The following ZNF652 variants were observed in gnomAD, a reference collection of about 807,000 sequenced individuals.
ZNF652 encodes zinc finger protein 652.
Under a neutral mutation model 45.2 loss-of-function variants are expected in ZNF652, and 16 were observed. The ratio of observed to expected loss-of-function variants is 0.35; its 90% CI spans 0.24 to 0.54. ZNF652 has a LOEUF of 0.54. Among genes scored for constraint, ZNF652 ranks in the 20% least tolerant of loss-of-function variants. The pLI, the probability that ZNF652 is intolerant of heterozygous loss-of-function variation, is 0.91. For missense variants in ZNF652, 614 were observed against 765.6 expected, an observed-to-expected ratio of 0.80 and a Z score of 2.34; for synonymous variants, 250 against 260.6, an observed-to-expected ratio of 0.96 and a Z score of 0.39.
chr17:49,313,822 A>G (rs1239698631), intron 2 of ZNF652, among the ~76,000 whole-genome samples: 3 of 151,296 alleles, frequency 2.0e-5, no homozygotes, highest in Non-Finnish European at 2.9e-5. Context: ...AAAATAAAAA[A>G]ATTAGCCGGG....
chr17:49,336,076 G>A (rs963842631), intron 1 of ZNF652, among the ~76,000 whole-genome samples: 1 of 151,648 alleles, frequency 6.6e-6, no homozygotes, highest in Non-Finnish European at 1.5e-5. Flanking sequence ...TCAGGCTAGA[G>A]TGCAGTGGTG....
chr17:49,323,238 C>A (rs765432101), intron 1 of ZNF652, among the ~76,000 whole-genome samples: 3 of 152,194 alleles, frequency 2.0e-5, no homozygotes, highest in Non-Finnish European at 4.4e-5. Flanking sequence ...CTTTGTCATT[C>A]CAATAATGTT....
Position 49,292,749 on chromosome 17 carries a change from A to C in ZNF652, c.*5664T>G, listed in dbSNP as rs1176220222. 3.9e-5 allele frequency among the ~76,000 whole-genome samples: 6 copies of C among 152,214 alleles called. No homozygotes were observed. Among genetic ancestry groups the C allele is most frequent in the Non-Finnish European group, 8.8e-5 (6 of 68,048 alleles). On this transcript the variant is annotated 3_prime_UTR_variant, in exon 6 of 6. Coordinates refer to ENST00000430262, the MANE Select transcript of ZNF652 (RefSeq NM_001145365.3). ...AAAAGTGAAGAGTCAAATAAGGATA[A>C]AATCTTTCAACAGAGAGACGAAATA...
chr17:49,342,072 G>A (rs1375625350), intron 1 of ZNF652, among the ~76,000 whole-genome samples: 1 of 151,984 alleles, frequency 6.6e-6, no homozygotes, highest in African/African-American at 2.4e-5. Context: ...TATAATCTCA[G>A]CTACTCAGGA....
chr17:49,337,631 T>G (rs999618019), intron 1 of ZNF652, among the ~76,000 whole-genome samples: 1 of 152,238 alleles, frequency 6.6e-6, no homozygotes, highest in Non-Finnish European at 1.5e-5. Context: ...TTACTAAAAC[T>G]ACTGCTACTC....
Position 49,294,572 on chromosome 17 carries a change from A to C in ZNF652, c.*3841T>G, listed in dbSNP as rs1678855423. On this transcript the variant is annotated 3_prime_UTR_variant, in exon 6 of 6. Transcript: ENST00000430262. ...TGAGCCTATCTGACTCAATTTGAGA[A>C]AGCAGCAGCCTTTATTAAGGCTAAG... The C allele has an allele frequency of 1.3e-5, 2 of 152,350 alleles. No homozygotes were observed. Among genetic ancestry groups the C allele is most frequent in the South Asian group, 4.1e-4 (2 of 4,832 alleles). The allele number at this position is 152,350 out of a possible 1,614,324, so 9.4% of individuals were successfully genotyped here. A position where few individuals can be genotyped will look rare whatever the true frequency, so the allele number is the denominator to read the frequency against.
At chr17:49,348,055 TC>T (rs2070225412) in intron 1 of ZNF652, among the ~76,000 whole-genome samples, 3 of 151,992 alleles carry the variant, frequency 2.0e-5, no homozygotes, top group African/African-American at 7.3e-5. Context: ...CAAACCTTAA[TC>T]TTATCAAGCC....
In ZNF652 at chr17:49,290,960, T is replaced by C. The variant is rs568248612; in HGVS notation, c.*7453A>G. Reference sequence around the variant, plus strand: ...TGATGGAAAACAGTCACACAGCCCATGTCAAGAAATGAATAAAATGCATAT... The same window carrying C: ...TGATGGAAAACAGTCACACAGCCCACGTCAAGAAATGAATAAAATGCATAT... On this transcript the variant is annotated 3_prime_UTR_variant, in exon 6 of 6. Transcript: ENST00000430262. 1.3e-5 allele frequency: 2 copies of C among 152,250 alleles called. No homozygotes were observed. The highest frequency in any genetic ancestry group is 1.9e-4 in the East Asian group (1 of 5,186). The allele number at this position is 152,250 out of a possible 1,614,324, so 9.4% of individuals were successfully genotyped here. A position where few individuals can be genotyped will look rare whatever the true frequency, so the allele number is the denominator to read the frequency against.
At chr17:49,339,196 A>ATTTTTT (rs766243923) in intron 1 of ZNF652, among the ~76,000 whole-genome samples, 6 of 101,768 alleles carry the variant, frequency 5.9e-5, no homozygotes, top group Non-Finnish European at 1.0e-4. Context: ...TGAGTTAGGA[A>ATTTTTT]ATTTTTTTTT....
At chr17:49,330,559 G>A (rs2070012141) in intron 1 of ZNF652, among the ~76,000 whole-genome samples, 1 of 151,850 alleles carries the variant, frequency 6.6e-6, no homozygotes, top group African/African-American at 2.4e-5. Flanking sequence ...ATGTTGCCCA[G>A]GCTGGTCTTG....
intron 1 of ZNF652, among the ~76,000 whole-genome samples, chr17:49,329,567 G>A (rs900965194): frequency 2.6e-5 from 4 of 152,164 alleles, no homozygotes; most frequent in Non-Finnish European, 4.4e-5. Flanking sequence ...TCAAGAAACA[G>A]AACTACAGTC....
intron 5 of ZNF652, among the ~76,000 whole-genome samples, chr17:49,311,007 T>C (rs1340184649): frequency 6.6e-6 from 1 of 152,188 alleles, no homozygotes; most frequent in East Asian, 1.9e-4. Context: ...GAAAATAACA[T>C]GCACATACAC....
chr17:49,305,362 G>A (rs990629529), intron 5 of ZNF652, among the ~76,000 whole-genome samples: 6 of 151,796 alleles, frequency 4.0e-5, no homozygotes, highest in African/African-American at 9.7e-5. Context: ...ATGGAGAATC[G>A]CTTGAACCTG....
rs2069885758 is a variant in ZNF652, at chr17:49,321,110, C to G, written c.-258-3127G>C. ...CTGGTCAGCATATTATGAGAAGTGA[C>G]AGAGAGAGGCAGGGCATTTACTAAC... is the stretch of plus-strand genomic sequence containing the variant. On this transcript the variant is annotated intron_variant, in intron 1 of 5. Transcript: ENST00000430262. Among the ~76,000 whole-genome samples the G allele has an allele frequency of 2.6e-5, 4 of 152,194 alleles. 1 individual carries two copies. The South Asian group carries it at 8.3e-4, about 31-fold the overall frequency.
chr17:49,309,593 A>G (rs1169130385), intron 5 of ZNF652, among the ~76,000 whole-genome samples: 1 of 152,090 alleles, frequency 6.6e-6, no homozygotes, highest in Non-Finnish European at 1.5e-5. Flanking sequence ...ATCACACACA[A>G]AAAAACCTGA....
chr17:49,318,185 C>G (rs900198384), intron 1 of ZNF652, among the ~76,000 whole-genome samples: 1 of 152,148 alleles, frequency 6.6e-6, no homozygotes, highest in African/African-American at 2.4e-5. Flanking sequence ...TCAAGTGATT[C>G]CCCTGCCTAA....
At position 49,298,857 on chromosome 17, in the gene ZNF652, G is replaced by A. The variant is rs2069512696; in HGVS notation, c.1377C>T (p.His459=). 8 of 1,614,010 alleles carry A rather than the reference G, an allele frequency of 5.0e-6. No individual in the cohort carries two copies. Among genetic ancestry groups the A allele is most frequent in the Non-Finnish European group, 6.8e-6 (8 of 1,180,014 alleles). Residue 459 remains histidine, a synonymous_variant, in exon 6 of 6, where the codon CAC becomes CAT. Coordinates refer to ENST00000430262, the MANE Select transcript of ZNF652 (RefSeq NM_001145365.3). Reference sequence around the variant, plus strand: ...GCTTCTCGCCTGTGTGAGTTCTGCGGTGTCTCTTCATGTTGGGGCGGCTGG... The same window carrying A: ...GCTTCTCGCCTGTGTGAGTTCTGCGATGTCTCTTCATGTTGGGGCGGCTGG... ...SFTSRPNMKR[H]RRTHTGEKPY...
chr17:49,329,341 T>C (rs1477307660), intron 1 of ZNF652, among the ~76,000 whole-genome samples: 1 of 152,234 alleles, frequency 6.6e-6, no homozygotes, highest in Non-Finnish European at 1.5e-5. Flanking sequence ...AAATTTACAT[T>C]GAAAAGGGTT....
chr17:49,311,310 ACCAGTG>A lies in ZNF652; in HGVS notation c.1305_1309+1del. 6.2e-7 allele frequency: 1 copy of A among 1,613,868 alleles called. No individual in the cohort carries two copies. The highest frequency in any genetic ancestry group is 8.5e-7 in the Non-Finnish European group (1 of 1,179,792). ...TCTGTACCTTTCCCAAGAAATTCTT[ACCAGTG>A]TGTGTTTTCATGTGTTCGTCGAAGT... On this transcript the variant is annotated splice_donor_variant and coding_sequence_variant, in exon 5 of 6. Transcript: ENST00000430262. LOFTEE classifies it high-confidence loss of function.
Sources: gnomAD v4.1 joint callset for allele counts (sites outside exome capture counted in the v4.1 genomes callset) on GRCh38, gnomAD v4.1.1 for gene constraint, MANE v1.5 for transcripts, NCBI Gene and HGNC (gene_info 2026-07-23, HGNC 2026-07-21) for gene names.